Variants in RSAD2 observed in about 807,000 individuals in gnomAD.
RSAD2 encodes radical S-adenosyl methionine domain containing 2.
RSAD2 carries 38 observed loss-of-function variants against 37.7 expected under a neutral mutation model. The ratio of observed to expected loss-of-function variants is 1.01; its 90% CI spans 0.78 to 1.32. The LOEUF is 1.32. RSAD2 is among the 40% of genes most tolerant of loss of function. The pLI is 0.00. For synonymous variants in RSAD2, 163 were observed against 157.4 expected, an observed-to-expected ratio of 1.04 and a Z score of -0.27; for missense variants, 428 against 437.5, an observed-to-expected ratio of 0.98 and a Z score of 0.19.
chr2:6,866,613 GCTGCCTAACAGTGTAA>G (rs1481583493), intron 1 of RSAD2: 3 of 222,710 alleles, frequency 1.3e-5, no homozygotes, highest in Non-Finnish European at 2.3e-5. Flanking sequence ...CAGCACTGTT[GCTGCCTAACAGTGTAA>G]CTGCCTAACA....
intron 3 of RSAD2, 116 bp downstream of exon 3, chr2:6,887,280 G>C: frequency 2.8e-6 from 2 of 703,340 alleles, no homozygotes; most frequent in South Asian, 3.8e-5. Flanking sequence ...TCGCAAGCCA[G>C]TCCAGAAGTC....
rs1188903542 is a variant in RSAD2 at position 6,896,134 on chromosome 2, AC to A, written c.*194del. 1.9e-6 allele frequency: 1 copy of A among 524,658 alleles called. No homozygotes were observed. Among genetic ancestry groups the A allele is most frequent in the African/African-American group, 1.9e-5 (1 of 53,002 alleles). The allele number at this position is 524,658 out of a possible 1,614,324, so 32.5% of individuals were successfully genotyped here. A position where few individuals can be genotyped will look rare whatever the true frequency, so the allele number is the denominator to read the frequency against. On this transcript the variant is annotated 3_prime_UTR_variant, in exon 6 of 6. Transcript: ENST00000382040. Reference sequence around the variant, plus strand: ...ATAGCAAATCCTGAGACAATGGAAAACCATTAACTTTACTTCATTGGCTTAT... The same window carrying A: ...ATAGCAAATCCTGAGACAATGGAAAACATTAACTTTACTTCATTGGCTTAT...
chr2:6,886,238 A>C (rs1485164564), intron 2 of RSAD2, among the ~76,000 whole-genome samples: 2 of 152,260 alleles, frequency 1.3e-5, no homozygotes, highest in African/African-American at 4.8e-5. Context: ...AGATAGGTGG[A>C]GTAGAAACTA....
rs1558340059 is a variant in RSAD2 at position 6,896,547 on chromosome 2, C to CTTTT, written c.*608_*609insTTTT. The CTTTT allele has an allele frequency of 6.7e-6, 1 of 149,182 alleles. No homozygotes were observed. 9.2% of individuals were successfully genotyped at this position (149,182 alleles called of 1,614,324 possible). ...GGTTATAATGCTTTTTTTTTTTTGC[C>CTTTT]TTTATGCCATTGCAGTCTTGTACTT... On this transcript the variant is annotated 3_prime_UTR_variant, in exon 6 of 6. Coordinates refer to ENST00000382040, the MANE Select transcript of RSAD2 (RefSeq NM_080657.5).
At chr2:6,875,626 C>T (rs1266387123), upstream of RSAD2, among the ~76,000 whole-genome samples, 1 of 152,198 alleles carries the variant, frequency 6.6e-6, no homozygotes, top group Non-Finnish European at 1.5e-5. Flanking sequence ...ACATTCCAGG[C>T]CCATATTTTA....
chr2:6,873,596 A>T (rs966439030), upstream of RSAD2, among the ~76,000 whole-genome samples: 1 of 152,184 alleles, frequency 6.6e-6, no homozygotes, highest in African/African-American at 2.4e-5. Flanking sequence ...CTGAACTTTA[A>T]AAAGTTCAGG....
intron 1 of RSAD2, among the ~76,000 whole-genome samples, chr2:6,872,255 A>G (rs1401361417): frequency 6.6e-6 from 1 of 152,198 alleles, no homozygotes; most frequent in Non-Finnish European, 1.5e-5. Flanking sequence ...CTATTGCTAA[A>G]TATGAGTTTA....
At chr2:6,892,666 T>A (rs1409541155) in intron 4 of RSAD2, among the ~76,000 whole-genome samples, 1 of 152,198 alleles carries the variant, frequency 6.6e-6, no homozygotes, top group East Asian at 1.9e-4. Flanking sequence ...TGGGATCTTG[T>A]GAAAGGGCAG....
At position 6,896,237 on chromosome 2, in the gene RSAD2, A is replaced by G. The variant is rs1040334367; in HGVS notation, c.*295A>G. ...AAAAGAAGGAATACACACAGGAATA[A>G]TGACCCCAAAAATGCTTAGATAAGG... is the stretch of plus-strand genomic sequence containing the variant. On this transcript the variant is annotated 3_prime_UTR_variant, in exon 6 of 6. Coordinates refer to ENST00000382040, the MANE Select transcript of RSAD2 (RefSeq NM_080657.5). 1.5e-5 allele frequency: 4 copies of G among 261,748 alleles called. No individual in the cohort carries two copies. The highest frequency in any genetic ancestry group is 2.2e-5 in the Non-Finnish European group (3 of 137,066). 16.2% of individuals were successfully genotyped at this position (261,748 alleles called of 1,614,324 possible). A position where few individuals can be genotyped will look rare whatever the true frequency, so the allele number is the denominator to read the frequency against.
chr2:6,879,617 T>G (rs1329643951), intron 1 of RSAD2, among the ~76,000 whole-genome samples: 1 of 152,198 alleles, frequency 6.6e-6, no homozygotes, highest in Non-Finnish European at 1.5e-5. Context: ...ACTTATGAGC[T>G]TATAGCAGTT....
intron 1 of RSAD2, among the ~76,000 whole-genome samples, chr2:6,870,052 C>T (rs913354663): frequency 6.6e-6 from 1 of 152,196 alleles, no homozygotes; most frequent in African/African-American, 2.4e-5. Flanking sequence ...TTCAATCCTT[C>T]ATTTGCATAA....
At chr2:6,877,146 AC>A (rs1663296273), upstream of RSAD2, 1 of 152,268 alleles carries the variant, frequency 6.6e-6, no homozygotes, top group Admixed American at 6.5e-5. Context: ...CTAGTTAAAA[AC>A]ATCTATAAAA....
rs767733042 is a variant in RSAD2 at position 6,891,595 on chromosome 2, A to G, written c.888+1270A>G. On this transcript the variant is annotated intron_variant, in intron 4 of 5. Transcript: ENST00000382040. ...ATCCTGGCTAACACAGTGAAACCCC[A>G]TCTCTACTGAAAATACAAAAAATTA... Among the ~76,000 whole-genome samples, 11 of 152,184 alleles carry G rather than the reference A, an allele frequency of 7.2e-5. 1 individual carries two copies. The highest frequency in any genetic ancestry group is 5.8e-4 in the East Asian group (3 of 5,170).
At chr2:6,867,646 CTCCACAG>C (rs1471307143) in intron 1 of RSAD2, among the ~76,000 whole-genome samples, 1 of 152,146 alleles carries the variant, frequency 6.6e-6, no homozygotes, top group Non-Finnish European at 1.5e-5. Flanking sequence ...GACCTTGACA[CTCCACAG>C]TCACGTGCCA....
At chr2:6,875,197 C>T (rs1389717503), upstream of RSAD2, among the ~76,000 whole-genome samples, 1 of 152,196 alleles carries the variant, frequency 6.6e-6, no homozygotes, top group Non-Finnish European at 1.5e-5. Flanking sequence ...GCACTGTTTT[C>T]AAGTTCTGGT....
Position 6,897,620 on chromosome 2 carries a change from C to T in RSAD2, c.*1678C>T, listed in dbSNP as rs764428107. The stretch of plus-strand genomic sequence containing the variant: ...GAAAAATGAATTCTAAAGATGTTCC[C>T]CATGGGTTTTGATTGTGTCTAAGCT... On this transcript the variant is annotated 3_prime_UTR_variant, in exon 6 of 6. Transcript: ENST00000382040. 2 of 152,058 alleles carry T rather than the reference C, an allele frequency of 1.3e-5. No homozygotes were observed. Among genetic ancestry groups the T allele is most frequent in the Non-Finnish European group, 2.9e-5 (2 of 67,996 alleles). 9.4% of individuals were successfully genotyped at this position (152,058 alleles called of 1,614,324 possible). A position where few individuals can be genotyped will look rare whatever the true frequency, so the allele number is the denominator to read the frequency against.
rs370356564 is a variant in RSAD2 at position 6,887,074 on chromosome 2, C to T, written c.648C>T (p.Val216=). 1.1e-5 allele frequency: 17 copies of T among 1,613,904 alleles called. No individual in the cohort carries two copies. Among genetic ancestry groups the T allele is most frequent in the Non-Finnish European group, 1.4e-5 (16 of 1,179,970 alleles). ...GGAGGTGGTGTAGGGATTATAGAGT[C>T]GCTTTCAAGATAAATTCTGTCATTA... is the stretch of plus-strand genomic sequence containing the variant. ...KLRRWCRDYR[V]AFKINSVINR... Residue 216 remains valine (V), a synonymous_variant, in exon 3 of 6, where the codon GTC becomes GTT. Transcript: ENST00000382040.
chr2:6,896,968 C>G lies in RSAD2; in HGVS notation c.*1026C>G, dbSNP rs1201442154. On this transcript the variant is annotated 3_prime_UTR_variant, in exon 6 of 6. Transcript: ENST00000382040. ...GGGTTGGCATAAGATATCCTAAAAT[C>G]ACGCTGGAACCTTGGGCAAGGAAGA... 3.3e-5 allele frequency: 5 copies of G among 152,226 alleles called. No homozygotes were observed. The highest frequency in any genetic ancestry group is 9.7e-5 in the African/African-American group (4 of 41,448). The allele number at this position is 152,226 out of a possible 1,614,324, so 9.4% of individuals were successfully genotyped here. A position where few individuals can be genotyped will look rare whatever the true frequency, so the allele number is the denominator to read the frequency against.
At chr2:6,877,598 G>A (rs543472082), upstream of RSAD2, 8 of 573,440 alleles carry the variant, frequency 1.4e-5, no homozygotes, top group African/African-American at 7.5e-5. Flanking sequence ...TGCTCGCCCC[G>A]ATCTCTAGTC....
Sources: allele counts gnomAD v4.1 joint callset (sites outside exome capture counted in the v4.1 genomes callset), GRCh38; gene constraint gnomAD v4.1.1; transcripts MANE v1.5; gene names NCBI Gene and HGNC (gene_info 2026-07-23, HGNC 2026-07-21).